The following MOGAT1 variants were observed in gnomAD, a reference collection of about 807,000 sequenced individuals.
MOGAT1 encodes the protein monoacylglycerol O-acyltransferase 1, also known as 2-acylglycerol O-acyltransferase 1.
Under a neutral mutation model 31.4 loss-of-function variants are expected in MOGAT1, and 32 were observed. The observed-to-expected ratio is 1.02, with a 90% CI of 0.77 to 1.37. The LOEUF (loss-of-function observed/expected upper bound fraction) is 1.37, where lower values mean the gene tolerates loss of function less well. Among genes scored for constraint, MOGAT1 ranks in the 40% most tolerant of loss-of-function variants. The pLI is 0.00. For synonymous variants in MOGAT1, 145 were observed against 144.5 expected (o/e 1.00, Z -0.03); for missense variants, 426 against 402.0 (o/e 1.06, Z -0.51).
intron 5 of MOGAT1, among the ~76,000 whole-genome samples, chr2:222,705,037 A>G (rs542539061): frequency 9.9e-5 from 15 of 152,186 alleles, no homozygotes; most frequent in African/African-American, 3.1e-4. Context: ...TAAACAGAGC[A>G]TGGTTATTTT....
At chr2:222,705,301 T>G (rs1692989353) in intron 5 of MOGAT1, among the ~76,000 whole-genome samples, 1 of 152,168 alleles carries the variant, frequency 6.6e-6, no homozygotes, top group Non-Finnish European at 1.5e-5. Context: ...CAACCTCCTA[T>G]CTCATCCTAT....
intron 5 of MOGAT1, among the ~76,000 whole-genome samples, chr2:222,706,722 C>T (rs1341639226): frequency 6.6e-6 from 1 of 152,110 alleles, no homozygotes; most frequent in Non-Finnish European, 1.5e-5. Flanking sequence ...TGAATAGTTA[C>T]ATTAACCTCT....
chr2:222,672,889 T>TTTTTTTTTA (rs139797469), intron 1 of MOGAT1, among the ~76,000 whole-genome samples: 8 of 139,224 alleles, frequency 5.7e-5, no homozygotes, highest in African/African-American at 2.2e-4. Flanking sequence ...CTGGAATTTG[T>TTTTTTTTTA]TTATTATTAT....
At chr2:222,697,433 C>CA (rs1206531776) in intron 5 of MOGAT1, among the ~76,000 whole-genome samples, 1 of 152,052 alleles carries the variant, frequency 6.6e-6, no homozygotes, top group Non-Finnish European at 1.5e-5. Context: ...AAAACTATTG[C>CA]AGACGCACAT....
intron 5 of MOGAT1, among the ~76,000 whole-genome samples, chr2:222,696,355 C>T (rs879823925): frequency 5.3e-5 from 8 of 152,188 alleles, no homozygotes; most frequent in Admixed American, 3.9e-4. Context: ...TTTTCCCTAG[C>T]GGTTGTACTA....
rs1335125137 is a variant in MOGAT1, at chr2:222,689,440, C to T, written c.449C>T (p.Pro150Leu). ...GTGCTGCCACTTTGGTTCTGGTGTC[C>T]TGTCTTTCGAGAATATGTGATGAGT... ...LHVLPLWFWC[P>L]VFREYVMSVG... is the part of the protein sequence containing the mutation. The change falls in exon 3 of 6, where the codon CCT (proline) becomes CTT (leucine). Residue 150 changes from proline to leucine, a missense_variant. Physicochemically the swap from Pro to Leu is moderately conservative, Grantham distance 98 (BLOSUM62 -3). Coordinates refer to ENST00000446656, the MANE Select transcript of MOGAT1 (RefSeq NM_058165.3). 2 of 1,613,978 alleles carry T rather than the reference C, an allele frequency of 1.2e-6. No homozygotes were observed.
chr2:222,678,548 C>T (rs1012969042), intron 1 of MOGAT1, among the ~76,000 whole-genome samples: 2 of 152,156 alleles, frequency 1.3e-5, no homozygotes, highest in African/African-American at 4.8e-5. Context: ...CTTTCAATCT[C>T]TTAACAATGT....
intron 1 of MOGAT1, among the ~76,000 whole-genome samples, chr2:222,683,885 C>T (rs1349395976): frequency 6.6e-6 from 1 of 152,174 alleles, no homozygotes; most frequent in African/African-American, 2.4e-5. Flanking sequence ...AGGCCTTCAA[C>T]TCAACTTGGT....
chr2:222,701,781 T>C (rs1227737389), intron 5 of MOGAT1, among the ~76,000 whole-genome samples: 1 of 152,134 alleles, frequency 6.6e-6, no homozygotes. Flanking sequence ...CACATAGAGA[T>C]TGATCTTGTC....
chr2:222,683,805 G>C (rs116137958), intron 1 of MOGAT1, among the ~76,000 whole-genome samples: 2,102 of 152,280 alleles, frequency 0.014, 42 homozygotes, highest in African/African-American at 0.048. Flanking sequence ...TGAAAACAGA[G>C]TGCCATTGAT....
chr2:222,672,683 C>T (rs948960743), intron 1 of MOGAT1, among the ~76,000 whole-genome samples: 4 of 151,988 alleles, frequency 2.6e-5, no homozygotes, highest in African/African-American at 9.7e-5. Flanking sequence ...AGACTAAGAT[C>T]ATGTGTATGC....
intron 3 of MOGAT1, among the ~76,000 whole-genome samples, chr2:222,691,831 A>G (rs985974203): frequency 1.2e-4 from 19 of 152,280 alleles, no homozygotes; most frequent in South Asian, 2.1e-4. Context: ...CTCTTACCCA[A>G]TAGGATTCTG....
In MOGAT1 at chr2:222,671,704, C is replaced by A; in HGVS notation, c.-82C>A. On this transcript the variant is annotated 5_prime_UTR_variant, in exon 1 of 6. Transcript: ENST00000446656. ...CAGTGCCCAGCGCGGGGCCCGGATC[C>A]GGCCGGGCACTTCCCACAGGCGCCG... is the stretch of plus-strand genomic sequence containing the variant. 3 of 1,207,348 alleles carry A rather than the reference C, an allele frequency of 2.5e-6. No individual in the cohort carries two copies. The highest frequency in any genetic ancestry group is 3.5e-6 in the Non-Finnish European group (3 of 845,246). The allele number at this position is 1,207,348 out of a possible 1,614,324, so 74.8% of individuals were successfully genotyped here. A position where few individuals can be genotyped will look rare whatever the true frequency, so the allele number is the denominator to read the frequency against.
At chr2:222,686,011 A>G (rs1361596520) in intron 1 of MOGAT1, among the ~76,000 whole-genome samples, 1 of 152,160 alleles carries the variant, frequency 6.6e-6, no homozygotes. Flanking sequence ...GCTTGGGGAC[A>G]TTATTTTTGG....
intron 1 of MOGAT1, among the ~76,000 whole-genome samples, chr2:222,683,255 A>C (rs1442568055): frequency 1.3e-5 from 2 of 150,676 alleles, no homozygotes; most frequent in African/African-American, 4.9e-5. Context: ...CCAGTGGTGG[A>C]GCTGAGGGAG....
intron 3 of MOGAT1, among the ~76,000 whole-genome samples, chr2:222,693,667 T>TA (rs560005061): frequency 6.6e-6 from 1 of 151,914 alleles, no homozygotes; most frequent in Non-Finnish European, 1.5e-5. Flanking sequence ...AACTCCTCTT[T>TA]ATGAAACAAT....
intron 3 of MOGAT1, among the ~76,000 whole-genome samples, chr2:222,692,413 C>G (rs1230692266): frequency 6.6e-6 from 1 of 152,186 alleles, no homozygotes; most frequent in Non-Finnish European, 1.5e-5. Flanking sequence ...AATGAATGAT[C>G]AGTCAATGTG....
chr2:222,707,110 T>C (rs554155945), intron 5 of MOGAT1, among the ~76,000 whole-genome samples: 84 of 152,180 alleles, frequency 5.5e-4, no homozygotes, highest in African/African-American at 2.0e-3. Flanking sequence ...AAGAATTGCT[T>C]GAATCCAGGA....
At chr2:222,678,945 CA>C (rs948881832) in intron 1 of MOGAT1, among the ~76,000 whole-genome samples, 11 of 149,224 alleles carry the variant, frequency 7.4e-5, no homozygotes, top group Admixed American at 1.3e-4. Context: ...AACTCCGTCT[CA>C]AAAAAAAAAG....
Sources: allele counts gnomAD v4.1 joint callset (sites outside exome capture counted in the v4.1 genomes callset), GRCh38; gene constraint gnomAD v4.1.1; transcripts MANE v1.5; gene names NCBI Gene and HGNC (gene_info 2026-07-23, HGNC 2026-07-21).